Variants in CAPRIN1 observed in about 807,000 individuals in gnomAD.
CAPRIN1 encodes the protein cell cycle associated protein 1.
A neutral mutation model predicts 100.9 loss-of-function variants in CAPRIN1; 29 were observed. The ratio of observed to expected loss-of-function variants is 0.29; its 90% confidence interval spans 0.21 to 0.39. The LOEUF (loss-of-function observed/expected upper bound fraction) is 0.39. Ranked by LOEUF, CAPRIN1 falls within the 10% of genes least tolerant of loss-of-function variation. The probability of loss-of-function intolerance (pLI) is 1.00; values close to 1 mark genes in which losing one functional copy is unlikely to be tolerated. For synonymous variants in CAPRIN1, 338 were observed against 307.5 expected, an observed-to-expected ratio of 1.10 and a Z score of -1.04; for missense variants, 795 against 876.7, an observed-to-expected ratio of 0.91 and a Z score of 1.18.
Position 34,090,823 on chromosome 11 carries a change from G to C in CAPRIN1, c.1554+145G>C, listed in dbSNP as rs546735366. 93 of 676,450 alleles carry C rather than the reference G, an allele frequency of 1.4e-4. No homozygotes were observed. In the African/African-American group the frequency reaches 1.6e-3, roughly 12 times the overall value. 41.9% of individuals were successfully genotyped at this position (676,450 alleles called of 1,614,324 possible). A position where few individuals can be genotyped will look rare whatever the true frequency, so the allele number is the denominator to read the frequency against. ...GGGTATATTTAATTGAACATAAACT[G>C]ATTATTCCAGAGATTAACTGATACT... is the stretch of plus-strand genomic sequence containing the variant. On this transcript the variant is annotated intron_variant, in intron 14 of 18. Coordinates refer to ENST00000341394, the MANE Select transcript of CAPRIN1 (RefSeq NM_005898.5).
Position 34,076,662 on chromosome 11 carries a change from C to T in CAPRIN1, c.688+20C>T. On this transcript the variant is annotated intron_variant, in intron 6 of 18. Coordinates refer to ENST00000341394, the MANE Select transcript of CAPRIN1 (RefSeq NM_005898.5). ...CCACCTGTGAGTATCACTGTGATAA[C>T]TTTGATTTTATAACTAGGAATCTTT... 6.6e-7 allele frequency: 1 copy of T among 1,508,218 alleles called. No homozygotes were observed. Among genetic ancestry groups the T allele is most frequent in the South Asian group, 1.2e-5 (1 of 85,306 alleles). The allele number at this position is 1,508,218 out of a possible 1,614,324, so 93.4% of individuals were successfully genotyped here.
In CAPRIN1 at chr11:34,052,566, T is replaced by C. The variant is rs1249472885; in HGVS notation, c.146T>C (p.Val49Ala). Residue 49 changes from valine to alanine, a missense_variant, in exon 2 of 19, where the codon GTC becomes GCC. By Grantham distance (64) the Val-to-Ala change is moderately conservative. Transcript: ENST00000341394. ...SQHPATGTGA[V>A]QTEAMKQILG... ...CACCCCGCAACCGGCACCGGCGCTGTCCAGACCGAGGCCATGAAGCAGATT... is the reference window on the plus strand; with the variant it reads ...CACCCCGCAACCGGCACCGGCGCTGCCCAGACCGAGGCCATGAAGCAGATT... The C allele has an allele frequency of 1.2e-6, 2 of 1,609,886 alleles. No homozygotes were observed. Among genetic ancestry groups the C allele is most frequent in the East Asian group, 2.2e-5 (1 of 44,720 alleles).
chr11:34,087,347 T>G (rs965831627), intron 11 of CAPRIN1, among the ~76,000 whole-genome samples: 1 of 118,648 alleles, frequency 8.4e-6, no homozygotes, highest in Non-Finnish European at 1.8e-5. Flanking sequence ...TTTTTTTTTT[T>G]TTTTGAGACG....
At chr11:34,053,666 A>AC (rs886126237) in intron 2 of CAPRIN1, 12 of 151,712 alleles carry the variant, frequency 7.9e-5, no homozygotes, top group African/African-American at 2.9e-4. Context: ...AGATCAAACT[A>AC]CTGAGGTATA....
At chr11:34,095,122 C>T (rs1310830709) in intron 15 of CAPRIN1, among the ~76,000 whole-genome samples, 3 of 152,082 alleles carry the variant, frequency 2.0e-5, no homozygotes, top group Non-Finnish European at 2.9e-5. Flanking sequence ...TCTCAAACTC[C>T]TGAGCTCAAG....
chr11:34,094,544 CTCACGCCTGTAATCCCAG>C (rs1426641121), intron 15 of CAPRIN1, among the ~76,000 whole-genome samples: 1 of 152,092 alleles, frequency 6.6e-6, no homozygotes, highest in East Asian at 1.9e-4. Context: ...GGTGTGGTGG[CTCACGCCTGTAATCCCAG>C]CTCTTTGGGA....
rs1851246366 is a variant in CAPRIN1 at position 34,090,694 on chromosome 11, A to G, written c.1554+16A>G. The G allele has an allele frequency of 6.2e-7, 1 of 1,603,020 alleles. No individual in the cohort carries two copies. Among genetic ancestry groups the G allele is most frequent in the African/African-American group, 1.3e-5 (1 of 74,764 alleles). On this transcript the variant is annotated intron_variant, in intron 14 of 18. Transcript: ENST00000341394. ...CATGCAAACGGTAAGCAAATTAACT[A>G]ACATTAATTGCCTAGTATGTAATAT...
chr11:34,097,997 T>C (rs1296189946), intron 18 of CAPRIN1: 1 of 1,203,598 alleles, frequency 8.3e-7, no homozygotes, highest in South Asian at 3.5e-5. Flanking sequence ...CATATTCTCT[T>C]CTCAGAAAAA....
intron 2 of CAPRIN1, among the ~76,000 whole-genome samples, chr11:34,057,179 G>A (rs1427340297): frequency 6.6e-6 from 1 of 152,180 alleles, no homozygotes; most frequent in Non-Finnish European, 1.5e-5. Context: ...CTCTTGATGT[G>A]TTTGCTTTTC....
intron 2 of CAPRIN1, among the ~76,000 whole-genome samples, chr11:34,064,952 TG>T (rs1173884160): frequency 3.9e-5 from 5 of 128,804 alleles, no homozygotes; most frequent in South Asian, 2.5e-4. Context: ...TGCTGTATAA[TG>T]GTTTTTTTTT....
At chr11:34,099,273 G>A in intron 18 of CAPRIN1, 30 bp from the exon 19 acceptor site, 1 of 1,610,900 alleles carries the variant, frequency 6.2e-7, no homozygotes, top group Non-Finnish European at 8.5e-7. Flanking sequence ...ATATTTGAAA[G>A]AAAAATCAAA....
At chr11:34,097,583 C>CTG in intron 17 of CAPRIN1, 115 bp from the exon 18 acceptor site, 1 of 1,119,924 alleles carries the variant, frequency 8.9e-7, no homozygotes, top group Non-Finnish European at 1.3e-6. Flanking sequence ...TAAACTGATA[C>CTG]TGAAGTGTCT....
intron 2 of CAPRIN1, among the ~76,000 whole-genome samples, chr11:34,053,924 TA>T (rs1187999095): frequency 6.6e-6 from 1 of 152,172 alleles, no homozygotes; most frequent in Non-Finnish European, 1.5e-5. Context: ...TGATAACTTC[TA>T]CTTGTCTGCC....
intron 7 of CAPRIN1, among the ~76,000 whole-genome samples, chr11:34,081,443 C>T (rs1402742302): frequency 6.6e-6 from 1 of 152,020 alleles, no homozygotes; most frequent in African/African-American, 2.4e-5. Flanking sequence ...AGGTTATCCA[C>T]CCGCCTTGGC....
At chr11:34,059,889 T>A in intron 2 of CAPRIN1, among the ~76,000 whole-genome samples, 1 of 150,768 alleles carries the variant, frequency 6.6e-6, no homozygotes, top group Non-Finnish European at 1.5e-5. Context: ...CTTTTTTTTT[T>A]TTTTTTTTTT....
chr11:34,102,293 T>C lies in CAPRIN1; in HGVS notation c.*2926T>C, dbSNP rs1243027016. ...TTTGTTCATTATATTTTCCGTCATA[T>C]AACTAGAGGAAGTGGAATGCAGATA... On this transcript the variant is annotated 3_prime_UTR_variant, in exon 19 of 19. Coordinates refer to ENST00000341394, the MANE Select transcript of CAPRIN1 (RefSeq NM_005898.5). 1.3e-5 allele frequency among the ~76,000 whole-genome samples: 2 copies of C among 152,214 alleles called. No homozygotes were observed. Among genetic ancestry groups the C allele is most frequent in the Non-Finnish European group, 2.9e-5 (2 of 68,026 alleles).
intron 2 of CAPRIN1, chr11:34,055,952 A>G (rs1312000900): frequency 6.6e-6 from 1 of 152,230 alleles, no homozygotes; most frequent in Non-Finnish European, 1.5e-5. Flanking sequence ...ATTTGCCCTA[A>G]ATTTAAGCAC....
At chr11:34,056,696 T>G (rs1850459983) in intron 2 of CAPRIN1, 1 of 152,178 alleles carries the variant, frequency 6.6e-6, no homozygotes, top group Admixed American at 6.5e-5. Flanking sequence ...AGAGACCTCA[T>G]TTGATATTAT....
intron 4 of CAPRIN1, among the ~76,000 whole-genome samples, chr11:34,072,298 G>A (rs1346285416): frequency 8.8e-5 from 13 of 147,764 alleles, no homozygotes; most frequent in African/African-American, 3.0e-4. Context: ...CCTGGGCAAC[G>A]TGATAAAACC....
Sources: allele counts gnomAD v4.1 joint callset (sites outside exome capture counted in the v4.1 genomes callset), GRCh38; gene constraint gnomAD v4.1.1; transcripts MANE v1.5; gene names NCBI Gene and HGNC (gene_info 2026-07-23, HGNC 2026-07-21).